The following S100A10 variants were observed in gnomAD, a reference collection of about 807,000 sequenced individuals.
S100A10 encodes the protein protein S100-A10.
In S100A10, 3 loss-of-function variants were observed where a neutral mutation model predicts 7.1. The ratio of observed to expected loss-of-function variants is 0.42; its 90% CI spans 0.19 to 1.10. The LOEUF (loss-of-function observed/expected upper bound fraction) is 1.10, where lower values mean the gene tolerates loss of function less well. Ranked by LOEUF, S100A10 falls within the 50% of genes least tolerant of loss-of-function variation. The probability of loss-of-function intolerance (pLI) is 0.29; values close to 1 mark genes in which losing one functional copy is unlikely to be tolerated. For missense variants in S100A10, 101 were observed against 118.1 expected (o/e 0.86, Z 0.67); for synonymous variants, 41 against 39.3 (o/e 1.04, Z -0.16).
At chr1:151,985,097 G>C (rs1655764610) in intron 2 of S100A10, 1 of 152,918 alleles carries the variant, frequency 6.5e-6, no homozygotes, top group Non-Finnish European at 1.5e-5. Context: ...TTGATTGCAG[G>C]AGTCAGGGGC....
At chr1:151,991,866 T>G (rs1655912407) in intron 1 of S100A10, among the ~76,000 whole-genome samples, 1 of 152,090 alleles carries the variant, frequency 6.6e-6, no homozygotes, top group African/African-American at 2.4e-5. Flanking sequence ...GAGTGGCTGC[T>G]TAGGAGGCTG....
At chr1:151,990,252 C>A (rs919240206) in intron 1 of S100A10, among the ~76,000 whole-genome samples, 1 of 152,196 alleles carries the variant, frequency 6.6e-6, no homozygotes, top group African/African-American at 2.4e-5. Flanking sequence ...ACATTCCATA[C>A]GCAAAAGGAA....
At chr1:151,988,068 A>G (rs1346123512) in intron 1 of S100A10, among the ~76,000 whole-genome samples, 1 of 152,222 alleles carries the variant, frequency 6.6e-6, no homozygotes, top group Non-Finnish European at 1.5e-5. Flanking sequence ...GGAAAGCAAG[A>G]GCTTTCATCA....
chr1:151,988,937 C>T (rs1475167159), intron 1 of S100A10, among the ~76,000 whole-genome samples: 2 of 152,162 alleles, frequency 1.3e-5, no homozygotes, highest in Non-Finnish European at 2.9e-5. Flanking sequence ...TTTAAAAATA[C>T]CTGTGCTCAA....
chr1:151,983,093 G>A lies in S100A10; in HGVS notation c.*70C>T, dbSNP rs1572107010. 5 of 1,109,288 alleles carry A rather than the reference G, an allele frequency of 4.5e-6. No homozygotes were observed. In the East Asian group the frequency reaches 1.3e-4, roughly 29 times the overall value. The allele number at this position is 1,109,288 out of a possible 1,614,324, so 68.7% of individuals were successfully genotyped here. ...ATGAAATCCTTCTATGGGGGAAGCT[G>A]TGGGGCAGATTCCTTAAGCGACCCT... On this transcript the variant is annotated 3_prime_UTR_variant, in exon 3 of 3. Transcript: ENST00000368811.
intron 2 of S100A10, among the ~76,000 whole-genome samples, chr1:151,984,617 G>T (rs1655753867): frequency 6.6e-6 from 1 of 152,146 alleles, no homozygotes; most frequent in Non-Finnish European, 1.5e-5. Context: ...AAAGCCTTTA[G>T]GAAGAAAGGG....
Position 151,993,429 on chromosome 1 carries a change from T to C in S100A10, c.-22+323A>G, listed in dbSNP as rs185167765. On this transcript the variant is annotated intron_variant, in intron 1 of 2. Transcript: ENST00000368811. This position sits in a 1 kb window ranked among gnomAD's most constrained non-coding sequence, Gnocchi z 5.1. ...GAGACGAGTGGGAAAGTAGGAAAGG[T>C]GGGAGTAAAGCAACGCAAACATAAA... Among the ~76,000 whole-genome samples the C allele has an allele frequency of 2.9e-3, 433 of 151,014 alleles. 2 individuals carry two copies. Among genetic ancestry groups the C allele is most frequent in the African/African-American group, 0.01 (411 of 41,038 alleles).
intron 1 of S100A10, among the ~76,000 whole-genome samples, chr1:151,990,246 T>G (rs1334540459): frequency 6.6e-6 from 1 of 152,192 alleles, no homozygotes; most frequent in African/African-American, 2.4e-5. Flanking sequence ...GAGTGCACAT[T>G]CCATACGCAA....
rs576288463 is a variant in S100A10 at position 151,987,837 on chromosome 1, T to C, written c.-21-1586A>G. ...GCCACTATGCCCGGCCTATATGTAT[T>C]CTTTACTAAAGCTCTGAACTTGTTA... is the stretch of plus-strand genomic sequence containing the variant. On this transcript the variant is annotated intron_variant, in intron 1 of 2. Transcript: ENST00000368811. 2.0e-5 allele frequency among the ~76,000 whole-genome samples: 3 copies of C among 152,334 alleles called. No individual in the cohort carries two copies. In the East Asian group the frequency reaches 5.8e-4, roughly 29 times the overall value.
At chr1:151,983,808 G>C (rs1655742666) in intron 2 of S100A10, among the ~76,000 whole-genome samples, 1 of 152,212 alleles carries the variant, frequency 6.6e-6, no homozygotes, top group Non-Finnish European at 1.5e-5. Flanking sequence ...TTAGCCACGT[G>C]ATGCTGAGTG....
intron 1 of S100A10, among the ~76,000 whole-genome samples, chr1:151,991,431 A>G (rs1374979700): frequency 6.6e-6 from 1 of 152,238 alleles, no homozygotes; most frequent in Non-Finnish European, 1.5e-5. Context: ...ATTTTTCCTT[A>G]AAGAATGCTT....
chr1:151,984,768 A>G (rs1655759158), intron 2 of S100A10, among the ~76,000 whole-genome samples: 2 of 152,182 alleles, frequency 1.3e-5, no homozygotes, highest in South Asian at 4.1e-4. Flanking sequence ...CTTGTCTTGA[A>G]TGATCATAGA....
chr1:151,990,820 C>A (rs1001942884), intron 1 of S100A10, among the ~76,000 whole-genome samples: 1 of 152,186 alleles, frequency 6.6e-6, no homozygotes, highest in Non-Finnish European at 1.5e-5. Flanking sequence ...CACTAGGTTG[C>A]AGGTTTTTTG....
chr1:151,986,131 G>A lies in S100A10; in HGVS notation c.100C>T (p.Leu34Phe). 2 of 1,603,440 alleles carry A rather than the reference G, an allele frequency of 1.2e-6. No homozygotes were observed. The highest frequency in any genetic ancestry group is 1.7e-6 in the Non-Finnish European group (2 of 1,177,062). The stretch of plus-strand genomic sequence containing the variant: ...AATCCAGGGAACTCCTTTTCCATGA[G>A]TACTCTCAGGTCCTCCTTTGTTAAG... ...GYLTKEDLRVLMEKEFPGFLE... is the reference protein window; with the variant it reads ...GYLTKEDLRVFMEKEFPGFLE... Residue 34 changes from leucine (L) to phenylalanine (F), a missense_variant, in exon 2 of 3, where the codon CTC (leucine) becomes TTC (phenylalanine). By Grantham distance (22) the Leu-to-Phe change is conservative. Transcript: ENST00000368811.
intron 1 of S100A10, among the ~76,000 whole-genome samples, chr1:151,987,245 ATC>A (rs1557773123): frequency 1.3e-5 from 2 of 151,792 alleles, no homozygotes; most frequent in Non-Finnish European, 2.9e-5. Context: ...ACTTCAGGTG[ATC>A]CGCCCACCTC....
chr1:151,985,272 A>T (rs1268172671), intron 2 of S100A10: 1 of 152,180 alleles, frequency 6.6e-6, no homozygotes, highest in Admixed American at 6.5e-5. Flanking sequence ...CTTGCATTTC[A>T]GTCTACTATT....
At chr1:151,985,318 C>G (rs1284568659) in intron 2 of S100A10, 2 of 152,234 alleles carry the variant, frequency 1.3e-5, no homozygotes. Flanking sequence ...TTGAATTCAA[C>G]AGCCACCTCT....
Position 151,983,034 on chromosome 1 carries a change from T to C in S100A10, c.*129A>G. 1.8e-6 allele frequency: 1 copy of C among 558,114 alleles called. No individual in the cohort carries two copies. The highest frequency in any genetic ancestry group is 2.9e-6 in the Non-Finnish European group (1 of 342,388). 34.6% of individuals were successfully genotyped at this position (558,114 alleles called of 1,614,324 possible). A position where few individuals can be genotyped will look rare whatever the true frequency, so the allele number is the denominator to read the frequency against. ...TGCTTGTCAAATGAGAGTTAGATTT[T>C]ATTTTTACATTTGCTAAGTGTCCTG... On this transcript the variant is annotated 3_prime_UTR_variant, in exon 3 of 3. Transcript: ENST00000368811.
chr1:151,991,457 C>A (rs557683554), intron 1 of S100A10, among the ~76,000 whole-genome samples: 1 of 152,226 alleles, frequency 6.6e-6, no homozygotes, highest in Non-Finnish European at 1.5e-5. Context: ...TCAGCCTAAT[C>A]AGCCAACATA....
Sources: gnomAD v4.1 joint callset for allele counts (sites outside exome capture counted in the v4.1 genomes callset) on GRCh38, gnomAD v4.1.1 for gene constraint, Gnocchi (gnomAD v3.1) non-coding constraint, MANE v1.5 for transcripts, NCBI Gene and HGNC (gene_info 2026-07-23, HGNC 2026-07-21) for gene names.